Variants in XPNPEP3 observed in about 807,000 individuals in gnomAD.
XPNPEP3 encodes X-prolyl aminopeptidase 3, also known as xaa-Pro aminopeptidase 3.
XPNPEP3 carries 41 observed loss-of-function variants against 60.0 expected under a neutral mutation model. The observed-to-expected ratio is 0.68, with a 90% confidence interval of 0.53 to 0.89. XPNPEP3 has a LOEUF of 0.89. XPNPEP3 is among the 40% of genes least tolerant of loss of function. XPNPEP3 has a pLI of 0.00. For synonymous variants in XPNPEP3, 212 were observed against 223.2 expected (o/e 0.95, Z 0.45); for missense variants, 598 against 638.9 (o/e 0.94, Z 0.69).
intron 1 of XPNPEP3, among the ~76,000 whole-genome samples, chr22:40,868,630 G>A (rs946584900): frequency 2.6e-5 from 4 of 152,158 alleles, no homozygotes; most frequent in Non-Finnish European, 5.9e-5. Flanking sequence ...CGAGGTGGGC[G>A]GATCACTTGA....
intron 2 of XPNPEP3, among the ~76,000 whole-genome samples, chr22:40,881,372 C>G (rs1204027202): frequency 6.7e-6 from 1 of 149,458 alleles, no homozygotes; most frequent in East Asian, 2.1e-4. Context: ...GGGAGAATTG[C>G]TTGAGCCTGA....
At chr22:40,872,609 TC>T (rs548211568) in intron 2 of XPNPEP3, among the ~76,000 whole-genome samples, 325 of 151,974 alleles carry the variant, frequency 2.1e-3, no homozygotes, top group Admixed American at 8.3e-3. Context: ...TGCTACCACA[TC>T]CGGCTAATTT....
chr22:40,887,573 G>C (rs1413875845), intron 4 of XPNPEP3, among the ~76,000 whole-genome samples: 1 of 152,014 alleles, frequency 6.6e-6, no homozygotes, highest in Non-Finnish European at 1.5e-5. Flanking sequence ...CAAGGCCATG[G>C]TCCTATCAAA....
At chr22:40,882,540 G>A (rs980917160) in intron 3 of XPNPEP3, among the ~76,000 whole-genome samples, 1 of 152,068 alleles carries the variant, frequency 6.6e-6, no homozygotes, top group East Asian at 1.9e-4. Flanking sequence ...AGGTGGCTCA[G>A]GCAGGAGAAT....
At chr22:40,882,503 C>T (rs149528209) in intron 3 of XPNPEP3, among the ~76,000 whole-genome samples, 3 of 151,968 alleles carry the variant, frequency 2.0e-5, no homozygotes, top group Non-Finnish European at 4.4e-5. Context: ...CAGGCATGGT[C>T]GCAGGCGCCT....
At chr22:40,898,474 T>C (rs4820421) in intron 4 of XPNPEP3, among the ~76,000 whole-genome samples, 114,200 of 136,274 alleles carry the variant, frequency 0.84, 48,223 homozygotes, top group East Asian at 0.99. Context: ...AGGATGGTCT[T>C]GATCTCCTGA....
intron 3 of XPNPEP3, among the ~76,000 whole-genome samples, chr22:40,882,510 G>A (rs892208047): frequency 3.3e-5 from 5 of 151,996 alleles, no homozygotes; most frequent in African/African-American, 1.2e-4. Context: ...GGTCGCAGGC[G>A]CCTGTAATCC....
chr22:40,866,680 G>A (rs1053857121), intron 1 of XPNPEP3, among the ~76,000 whole-genome samples: 14 of 152,102 alleles, frequency 9.2e-5, no homozygotes, highest in Non-Finnish European at 1.8e-4. Flanking sequence ...TTTGAAATAG[G>A]ACTTAACACA....
At chr22:40,861,729 G>C (rs1387393614) in intron 1 of XPNPEP3, 1 of 1,613,924 alleles carries the variant, frequency 6.2e-7, no homozygotes, top group South Asian at 1.1e-5. Context: ...CTTATGGAAT[G>C]TGAAGCCGTA....
chr22:40,879,675 C>G (rs1241079936), intron 2 of XPNPEP3, among the ~76,000 whole-genome samples: 1 of 152,056 alleles, frequency 6.6e-6, no homozygotes, highest in Non-Finnish European at 1.5e-5. Context: ...AATCTTGTCT[C>G]TACTGAAAAT....
At chr22:40,925,490 T>C (rs1179192058) in intron 9 of XPNPEP3, among the ~76,000 whole-genome samples, 1 of 152,240 alleles carries the variant, frequency 6.6e-6, no homozygotes, top group Non-Finnish European at 1.5e-5. Context: ...GCCATAGATA[T>C]ATCATTTAGT....
At chr22:40,921,218 A>G (rs2058215315) in intron 7 of XPNPEP3, among the ~76,000 whole-genome samples, 1 of 152,154 alleles carries the variant, frequency 6.6e-6, no homozygotes, top group South Asian at 2.1e-4. Context: ...GCCTCAAGGG[A>G]CATACCTACA....
At chr22:40,920,094 G>A (rs1038794582) in intron 7 of XPNPEP3, among the ~76,000 whole-genome samples, 9 of 152,176 alleles carry the variant, frequency 5.9e-5, no homozygotes, top group Non-Finnish European at 1.3e-4. Context: ...TGGGCCAGGC[G>A]TGGTGACTCA....
At chr22:40,857,268 TC>T in intron 1 of XPNPEP3, 23 bp downstream of exon 1, 1 of 1,613,744 alleles carries the variant, frequency 6.2e-7, no homozygotes, top group Non-Finnish European at 8.5e-7. Context: ...TCCCACGGTC[TC>T]CTCCCATGGT....
At chr22:40,874,874 T>C (rs2058021769) in intron 2 of XPNPEP3, among the ~76,000 whole-genome samples, 2 of 152,336 alleles carry the variant, frequency 1.3e-5, no homozygotes, top group Admixed American at 6.5e-5. Context: ...AAGCAGAGAA[T>C]GTGCCTTCCA....
chr22:40,893,454 G>A (rs1279013670), intron 4 of XPNPEP3, among the ~76,000 whole-genome samples: 1 of 134,848 alleles, frequency 7.4e-6, no homozygotes. Flanking sequence ...GCAGTCAGCC[G>A]AGATAGCGCC....
At position 40,909,143 on chromosome 22, in the gene XPNPEP3, C is replaced by T. The variant is rs753252561; in HGVS notation, c.877C>T (p.Arg293Cys). Residue 293 changes from arginine (R) to cysteine (C), a missense_variant, in exon 6 of 10, where the codon CGT becomes TGT. Coordinates refer to ENST00000357137, the MANE Select transcript of XPNPEP3 (RefSeq NM_022098.4). The stretch of plus-strand genomic sequence containing the variant: ...ACAGTTTGAATTTGAATGCCGGGCT[C>T]GTGGCGCAGACATTTTAGCCTATCC... ...YAKFEFECRA[R>C]GADILAYPPV... The T allele has an allele frequency of 5.6e-6, 9 of 1,614,058 alleles. No individual in the cohort carries two copies. Among genetic ancestry groups the T allele is most frequent in the East Asian group, 2.2e-5 (1 of 44,902 alleles).
At chr22:40,912,540 T>C (rs987622939) in intron 6 of XPNPEP3, among the ~76,000 whole-genome samples, 2 of 152,142 alleles carry the variant, frequency 1.3e-5, no homozygotes, top group Non-Finnish European at 2.9e-5. Flanking sequence ...CTCCTTACTG[T>C]AGTAAATCTC....
At chr22:40,909,647 C>T (rs2058169801) in intron 6 of XPNPEP3, among the ~76,000 whole-genome samples, 1 of 152,010 alleles carries the variant, frequency 6.6e-6, no homozygotes, top group South Asian at 2.1e-4. Flanking sequence ...TGCTTGTAAT[C>T]CCAGCTACTC....
Sources: gnomAD v4.1 joint callset for allele counts (sites outside exome capture counted in the v4.1 genomes callset) on GRCh38, gnomAD v4.1.1 for gene constraint, MANE v1.5 for transcripts, NCBI Gene and HGNC (gene_info 2026-07-23, HGNC 2026-07-21) for gene names.